Variants in RALY observed in about 807,000 individuals in gnomAD.
RALY encodes the protein RALY heterogeneous nuclear ribonucleoprotein, also known as RNA-binding protein Raly.
RALY carries 15 observed loss-of-function variants against 30.7 expected under a neutral mutation model. The ratio of observed to expected loss-of-function variants is 0.49; its 90% CI spans 0.33 to 0.75. RALY has a LOEUF of 0.75. RALY is among the 30% of genes least tolerant of loss of function. The probability of loss-of-function intolerance (pLI) is 0.02; values close to 1 mark genes in which losing one functional copy is unlikely to be tolerated. For synonymous variants in RALY, 177 were observed against 170.8 expected (o/e 1.04, Z -0.28); for missense variants, 339 against 414.3 (o/e 0.82, Z 1.58).
chr20:34,072,194 C>T lies in RALY; in HGVS notation c.120C>T (p.Thr40=), dbSNP rs752815211. The T allele has an allele frequency of 3.1e-6, 5 of 1,614,094 alleles. No individual in the cohort carries two copies. Among genetic ancestry groups the T allele is most frequent in the Non-Finnish European group, 8.5e-7 (1 of 1,180,060 alleles). Residue 40 remains threonine (T), a synonymous_variant, in exon 3 of 10, where the codon ACC becomes ACT. Transcript: ENST00000246194. ...TGGTGAAGAAATCAGATGTGGAGAC[C>T]ATCTTCTCTAAGTATGGCCGTGTGG... The part of the protein sequence containing the change: ...TALVKKSDVE[T]IFSKYGRVAG...
chr20:34,076,574 A>C, intron 6 of RALY, 128 bp from the exon 7 acceptor site: 2 of 773,656 alleles, frequency 2.6e-6, no homozygotes, highest in South Asian at 3.6e-5. Flanking sequence ...CTTTTTCCTA[A>C]GCAGGGAAAA....
chr20:34,005,703 A>G (rs1237309632), intron 1 of RALY, among the ~76,000 whole-genome samples: 2 of 152,194 alleles, frequency 1.3e-5, no homozygotes, highest in East Asian at 3.8e-4. Flanking sequence ...CCTCAACCCT[A>G]AGAAGTAGGT....
chr20:34,001,203 G>C (rs966637610), intron 1 of RALY, among the ~76,000 whole-genome samples: 1 of 152,050 alleles, frequency 6.6e-6, no homozygotes, highest in African/African-American at 2.4e-5. Context: ...TGGAGTCCAA[G>C]ACTATAAAAA....
intron 3 of RALY, 138 bp downstream of exon 3, chr20:34,072,468 T>A: frequency 1.7e-6 from 2 of 1,206,082 alleles, no homozygotes; most frequent in Non-Finnish European, 2.2e-6. Flanking sequence ...TATGTTTAAG[T>A]TTTAAATAGT....
chr20:34,052,070 C>T (rs1193155035), intron 2 of RALY, among the ~76,000 whole-genome samples: 2 of 152,200 alleles, frequency 1.3e-5, no homozygotes, highest in Admixed American at 6.5e-5. Flanking sequence ...TTAGAGCTGA[C>T]AGGGACCCTA....
rs772883214 is a variant in RALY, at chr20:34,077,234, G to A, written c.865G>A (p.Glu289Lys). The change falls in exon 8 of 10, where the codon GAG becomes AAG. Residue 289 changes from glutamate to lysine, a missense_variant. Physicochemically the swap from Glu to Lys is moderately conservative, Grantham distance 56 (BLOSUM62 1). Around this residue, in one of 2 missense-constraint regions of RALY, gnomAD observed 268 missense variants for 280.6 expected, o/e 0.95. Coordinates refer to ENST00000246194, the MANE Select transcript of RALY (RefSeq NM_016732.3). ...GDEEGLLTHS[E>K]EELEHSQDTD... ...TGAGGAAGGGCTCCTGACACACAGC[G>A]AGGAAGAGCTGGTGAGGGCCTGGCC... 16 of 1,613,640 alleles carry A rather than the reference G, an allele frequency of 9.9e-6. No homozygotes were observed. The highest frequency in any genetic ancestry group is 8.3e-5 in the Admixed American group (5 of 59,992).
chr20:34,053,829 C>A (rs185018848), intron 2 of RALY, among the ~76,000 whole-genome samples: 78 of 152,068 alleles, frequency 5.1e-4, no homozygotes, highest in Non-Finnish European at 8.8e-4. Flanking sequence ...CTCAGGGTGA[C>A]CAGATAATAA....
chr20:34,078,095 A>G (rs570442220), intron 8 of RALY, among the ~76,000 whole-genome samples: 74 of 152,342 alleles, frequency 4.9e-4, no homozygotes, highest in Non-Finnish European at 9.1e-4. Flanking sequence ...GCCTTATGCT[A>G]GCTCATCTCT....
At chr20:34,022,756 A>G (rs1356124337) in intron 1 of RALY, among the ~76,000 whole-genome samples, 1 of 152,074 alleles carries the variant, frequency 6.6e-6, no homozygotes, top group East Asian at 1.9e-4. Context: ...TTCCTATGTG[A>G]CCAAAGGCAA....
chr20:33,996,928 C>G (rs977292535), intron 1 of RALY, among the ~76,000 whole-genome samples: 1 of 152,160 alleles, frequency 6.6e-6, no homozygotes, highest in African/African-American at 2.4e-5. Flanking sequence ...CTTCTTTAGT[C>G]TCAGAGTGCA....
At chr20:34,036,866 T>C (rs539129331) in intron 2 of RALY, among the ~76,000 whole-genome samples, 64 of 152,322 alleles carry the variant, frequency 4.2e-4, no homozygotes, top group African/African-American at 1.5e-3. Flanking sequence ...TTGTTGATTT[T>C]GCTGGTGTTT....
intron 2 of RALY, among the ~76,000 whole-genome samples, chr20:34,051,356 C>T (rs1043207487): frequency 3.3e-5 from 5 of 152,108 alleles, no homozygotes; most frequent in African/African-American, 2.4e-5. Context: ...ATCTGGTGCT[C>T]GCCACTTTCT....
chr20:34,083,845 A>T lies in RALY; in HGVS notation c.*3940A>T, dbSNP rs1359375887. ...CAGAGCAAAAGATTCTGAGCCAGGC[A>T]TCCTTGGTTTTCATCCCAACCAGAT... is the stretch of plus-strand genomic sequence containing the variant. On this transcript the variant is annotated 3_prime_UTR_variant, in exon 10 of 10. Coordinates refer to ENST00000246194, the MANE Select transcript of RALY (RefSeq NM_016732.3). 1 of 152,270 alleles carries T rather than the reference A, an allele frequency of 6.6e-6. No individual in the cohort carries two copies. Among genetic ancestry groups the T allele is most frequent in the African/African-American group, 2.4e-5 (1 of 41,468 alleles). 9.4% of individuals were successfully genotyped at this position (152,270 alleles called of 1,614,324 possible). A position where few individuals can be genotyped will look rare whatever the true frequency, so the allele number is the denominator to read the frequency against.
At chr20:34,079,167 G>C (rs2033976185) in intron 9 of RALY, among the ~76,000 whole-genome samples, 1 of 152,228 alleles carries the variant, frequency 6.6e-6, no homozygotes, top group Admixed American at 6.5e-5. Context: ...GGGAGGAAAT[G>C]CCCTGTGTGA....
At chr20:34,025,026 C>T (rs980176598) in intron 1 of RALY, among the ~76,000 whole-genome samples, 2 of 152,230 alleles carry the variant, frequency 1.3e-5, no homozygotes, top group African/African-American at 4.8e-5. Context: ...GCTTGTGGGA[C>T]AAGGGCTATT....
chr20:34,063,201 G>A (rs2033466319), intron 2 of RALY, among the ~76,000 whole-genome samples: 1 of 152,188 alleles, frequency 6.6e-6, no homozygotes. Context: ...TGCAGTTCCT[G>A]GGATGTAAGT....
intron 2 of RALY, among the ~76,000 whole-genome samples, chr20:34,066,708 A>C (rs1170245602): frequency 8.0e-6 from 1 of 125,564 alleles, no homozygotes; most frequent in Non-Finnish European, 1.7e-5. Flanking sequence ...TTTTTTTTTT[A>C]AAGGTATTAA....
Position 34,081,575 on chromosome 20 carries a change from A to G in RALY, c.*1670A>G, listed in dbSNP as rs188815792. ...ATTGAAAACTCCCCATTTCAAACCA[A>G]CCCGGTCTACAGCCTCCAGGGAAGC... On this transcript the variant is annotated 3_prime_UTR_variant, in exon 10 of 10. Coordinates refer to ENST00000246194, the MANE Select transcript of RALY (RefSeq NM_016732.3). 6.6e-6 allele frequency: 1 copy of G among 152,178 alleles called. No homozygotes were observed. The highest frequency in any genetic ancestry group is 6.5e-5 in the Admixed American group (1 of 15,284). 9.4% of individuals were successfully genotyped at this position (152,178 alleles called of 1,614,324 possible).
Position 34,025,704 on chromosome 20 carries a change from T to G in RALY, c.-92-5818T>G, listed in dbSNP as rs73257740. 6.9e-3 allele frequency among the ~76,000 whole-genome samples: 1,051 copies of G among 151,616 alleles called. 14 individuals carry two copies. Among genetic ancestry groups the G allele is most frequent in the African/African-American group, 0.024 (974 of 41,310 alleles). On this transcript the variant is annotated intron_variant, in intron 1 of 9. Coordinates refer to ENST00000246194, the MANE Select transcript of RALY (RefSeq NM_016732.3). ...GCTATTTTAAAAAAAAAAAAAAAAA[T>G]TGTTTTACAAATGTAGGAGATTATT...
Sources: gnomAD v4.1 joint callset for allele counts (sites outside exome capture counted in the v4.1 genomes callset) on GRCh38, gnomAD v4.1.1 for gene constraint, gnomAD v4.1.1 regional missense constraint, MANE v1.5 for transcripts, NCBI Gene and HGNC (gene_info 2026-07-23, HGNC 2026-07-21) for gene names.